PDSS2: variants seen among roughly 807,000 people sequenced by gnomAD.
PDSS2 encodes decaprenyl diphosphate synthase subunit 2.
Under a neutral mutation model 44.5 loss-of-function variants are expected in PDSS2, and 31 were observed. The observed-to-expected ratio is 0.70, with a 90% CI of 0.52 to 0.94. The LOEUF is 0.94. Among genes scored for constraint, PDSS2 ranks in the 40% least tolerant of loss-of-function variants. The pLI is 0.00. For synonymous variants in PDSS2, 157 were observed against 180.3 expected (o/e 0.87, Z 1.03); for missense variants, 452 against 482.2 (o/e 0.94, Z 0.59).
intron 4 of PDSS2, among the ~76,000 whole-genome samples, chr6:107,216,096 C>T (rs1773402973): frequency 6.6e-6 from 1 of 151,556 alleles, no homozygotes; most frequent in African/African-American, 2.4e-5. Context: ...GAGATTTTGC[C>T]ACTGCACTCC....
At chr6:107,155,013 C>T (rs1287985371) in intron 7 of PDSS2, among the ~76,000 whole-genome samples, 3 of 152,144 alleles carry the variant, frequency 2.0e-5, no homozygotes, top group Non-Finnish European at 4.4e-5. Flanking sequence ...TTCCAATCAG[C>T]TTAATTACAG....
intron 1 of PDSS2, among the ~76,000 whole-genome samples, chr6:107,411,511 A>G (rs891963200): frequency 1.1e-4 from 16 of 152,196 alleles, no homozygotes; most frequent in African/African-American, 3.6e-4. Flanking sequence ...TTTAAGAGCC[A>G]TCTATACAAT....
Position 107,209,512 on chromosome 6 carries a change from T to C in PDSS2, c.1008+927A>G, listed in dbSNP as rs547755093. Among the ~76,000 whole-genome samples, 8 of 151,774 alleles carry C rather than the reference T, an allele frequency of 5.3e-5. No individual in the cohort carries two copies. The East Asian group carries it at 1.5e-3, about 29-fold the overall frequency. The stretch of plus-strand genomic sequence containing the variant: ...CCAGCATTTTGAGAATCAATAAGGG[T>C]TGGGAGGAGGGAAATCTTTCAGAAC... On this transcript the variant is annotated intron_variant, in intron 6 of 7. Coordinates refer to ENST00000369037, the MANE Select transcript of PDSS2 (RefSeq NM_020381.4).
intron 1 of PDSS2, among the ~76,000 whole-genome samples, chr6:107,421,736 T>C (rs924024329): frequency 2.0e-5 from 3 of 151,406 alleles, no homozygotes; most frequent in Admixed American, 6.6e-5. Flanking sequence ...ATTTTCTTCA[T>C]AGCGATGGAA....
At chr6:107,318,157 T>C (rs1443366836) in intron 2 of PDSS2, among the ~76,000 whole-genome samples, 1 of 151,948 alleles carries the variant, frequency 6.6e-6, no homozygotes, top group Non-Finnish European at 1.5e-5. Flanking sequence ...GGTGGGAGAA[T>C]AACAAAAGGA....
At chr6:107,245,453 A>AAC in intron 4 of PDSS2, 95 bp downstream of exon 4, 2 of 528,790 alleles carry the variant, frequency 3.8e-6, no homozygotes, top group South Asian at 2.1e-5. Context: ...AAAGCCATGT[A>AAC]CAATTTAAAC....
intron 1 of PDSS2, among the ~76,000 whole-genome samples, chr6:107,359,424 A>T (rs1407800433): frequency 6.6e-6 from 1 of 151,546 alleles, no homozygotes; most frequent in Non-Finnish European, 1.5e-5. Flanking sequence ...GGAGTTCGAG[A>T]CCAGCCTTGC....
chr6:107,386,316 A>T (rs1410093342), intron 1 of PDSS2, among the ~76,000 whole-genome samples: 2 of 151,960 alleles, frequency 1.3e-5, no homozygotes, highest in Non-Finnish European at 2.9e-5. Flanking sequence ...AAACTTTGTG[A>T]TATTAAAAAG....
At chr6:107,289,016 C>CTCGG (rs1776255180) in intron 2 of PDSS2, among the ~76,000 whole-genome samples, 1 of 150,604 alleles carries the variant, frequency 6.6e-6, no homozygotes. Context: ...ATCCGCCCAC[C>CTCGG]TCGGCCTCCC....
intron 1 of PDSS2, among the ~76,000 whole-genome samples, chr6:107,341,123 C>A (rs1778066480): frequency 6.6e-6 from 1 of 152,022 alleles, no homozygotes; most frequent in African/African-American, 2.4e-5. Flanking sequence ...TTAGGAGGAG[C>A]CTCTTCTAGT....
intron 7 of PDSS2, among the ~76,000 whole-genome samples, chr6:107,169,920 G>A (rs1771502398): frequency 6.6e-6 from 1 of 152,116 alleles, no homozygotes; most frequent in Admixed American, 6.6e-5. Flanking sequence ...GGCTACTTGG[G>A]GGTCAGGGAC....
chr6:107,339,027 A>G (rs77247957), intron 1 of PDSS2, among the ~76,000 whole-genome samples: 2,293 of 152,290 alleles, frequency 0.015, 65 homozygotes, highest in African/African-American at 0.053. Flanking sequence ...CCAGGCCGTA[A>G]GTATTACTTT....
chr6:107,340,042 T>TA (rs75113713), intron 1 of PDSS2, among the ~76,000 whole-genome samples: 2,049 of 102,704 alleles, frequency 0.02, 29 homozygotes, highest in African/African-American at 0.054. Flanking sequence ...TAATAGTCAA[T>TA]AAAAAAAAAA....
At position 107,459,299 on chromosome 6, in the gene PDSS2, A is replaced by G; in HGVS notation, c.-14T>C. 1 of 1,613,198 alleles carries G rather than the reference A, an allele frequency of 6.2e-7. No homozygotes were observed. Among genetic ancestry groups the G allele is most frequent in the Non-Finnish European group, 8.5e-7 (1 of 1,179,672 alleles). On this transcript the variant is annotated 5_prime_UTR_variant, in exon 1 of 8. Coordinates refer to ENST00000369037, the MANE Select transcript of PDSS2 (RefSeq NM_020381.4). This position sits in a 1 kb window ranked among gnomAD's most constrained non-coding sequence, Gnocchi z 4.3. The stretch of plus-strand genomic sequence containing the variant: ...CCGAAAGTTCATGGTTTGAGTCTGG[A>G]AGGGTCTGGGACCTGGGGGTATCCA...
At chr6:107,191,237 G>T (rs1772369458) in intron 7 of PDSS2, among the ~76,000 whole-genome samples, 1 of 152,296 alleles carries the variant, frequency 6.6e-6, no homozygotes, top group Admixed American at 6.5e-5. Context: ...GGTCAGATTG[G>T]TGGTTTAGAC....
At chr6:107,365,277 G>A (rs947819757) in intron 1 of PDSS2, among the ~76,000 whole-genome samples, 3 of 151,970 alleles carry the variant, frequency 2.0e-5, no homozygotes, top group African/African-American at 7.2e-5. Flanking sequence ...TATTTTGCTA[G>A]AATTAAAATG....
chr6:107,302,846 C>A (rs199733600), intron 2 of PDSS2, among the ~76,000 whole-genome samples: 41 of 141,150 alleles, frequency 2.9e-4, no homozygotes, highest in Admixed American at 2.8e-4. Context: ...AACTTACTAC[C>A]AAAAAAAAAA....
chr6:107,349,395 T>C (rs1464621320), intron 1 of PDSS2, among the ~76,000 whole-genome samples: 2 of 151,186 alleles, frequency 1.3e-5, no homozygotes, highest in African/African-American at 2.4e-5. Context: ...ATCGCGCCAC[T>C]GCACTCCAGC....
chr6:107,288,543 G>A (rs570237251), intron 2 of PDSS2, among the ~76,000 whole-genome samples: 3 of 152,132 alleles, frequency 2.0e-5, no homozygotes, highest in South Asian at 2.1e-4. Context: ...ATTTTTGGAC[G>A]TTTAAACAGA....
Sources: gnomAD v4.1 joint callset for allele counts (sites outside exome capture counted in the v4.1 genomes callset) on GRCh38, gnomAD v4.1.1 for gene constraint, Gnocchi (gnomAD v3.1) non-coding constraint, MANE v1.5 for transcripts, NCBI Gene and HGNC (gene_info 2026-07-23, HGNC 2026-07-21) for gene names.